Variants in GPM6A observed in about 807,000 individuals in gnomAD.
GPM6A encodes the protein neuronal membrane glycoprotein M6-a.
Under a neutral mutation model 32.1 loss-of-function variants are expected in GPM6A, and 7 were observed. The observed-to-expected ratio is 0.22, with a 90% CI of 0.12 to 0.41. The LOEUF (loss-of-function observed/expected upper bound fraction) is 0.41, where lower values mean the gene tolerates loss of function less well. GPM6A is among the 10% of genes least tolerant of loss of function. GPM6A has a pLI of 1.00. For synonymous variants in GPM6A, 130 were observed against 123.4 expected (o/e 1.05, Z -0.35); for missense variants, 235 against 347.2 (o/e 0.68, Z 2.57).
At chr4:175,703,195 G>A (rs886925459) in intron 1 of GPM6A, among the ~76,000 whole-genome samples, 13 of 151,740 alleles carry the variant, frequency 8.6e-5, no homozygotes, top group Admixed American at 5.9e-4. Flanking sequence ...GGTGGAAGAT[G>A]GAGTCTCACT....
chr4:175,647,671 AC>A (rs1428848141), intron 4 of GPM6A, among the ~76,000 whole-genome samples: 1 of 152,222 alleles, frequency 6.6e-6, no homozygotes, highest in Non-Finnish European at 1.5e-5. Flanking sequence ...GCGTCTATAT[AC>A]TAAGGAGACA....
chr4:175,817,458 G>A (rs1735143778), intron 1 of GPM6A, among the ~76,000 whole-genome samples: 1 of 152,202 alleles, frequency 6.6e-6, no homozygotes, highest in Non-Finnish European at 1.5e-5. Flanking sequence ...TCACAACGCT[G>A]AATGACAAGT....
In GPM6A at chr4:175,633,694, G is replaced by C. The variant is rs1389792232; in HGVS notation, c.*1211C>G. The C allele has an allele frequency of 1.3e-5, 2 of 152,406 alleles. No homozygotes were observed. Among genetic ancestry groups the C allele is most frequent in the Non-Finnish European group, 2.9e-5 (2 of 67,928 alleles). The allele number at this position is 152,406 out of a possible 1,614,324, so 9.4% of individuals were successfully genotyped here. On this transcript the variant is annotated 3_prime_UTR_variant, in exon 7 of 7. Transcript: ENST00000393658. Reference sequence around the variant, plus strand: ...GATTGCTCTTTGTTAAAATTCCTTTGATACAGGTACTTTTTATAAATGAAT... The same window carrying C: ...GATTGCTCTTTGTTAAAATTCCTTTCATACAGGTACTTTTTATAAATGAAT...
intron 3 of GPM6A, 109 bp from the exon 4 acceptor site, chr4:175,652,096 T>G (rs1560853177): frequency 1.4e-5 from 10 of 706,162 alleles, no homozygotes; most frequent in South Asian, 1.2e-4. Flanking sequence ...ATACAGTACA[T>G]AAGTCAGTAT....
intron 1 of GPM6A, among the ~76,000 whole-genome samples, chr4:175,933,101 G>C (rs1235046139): frequency 6.6e-6 from 1 of 151,444 alleles, no homozygotes; most frequent in Non-Finnish European, 1.5e-5. Flanking sequence ...GATTGGAAAA[G>C]ATACACCAAG....
chr4:175,780,668 T>C (rs1463314530), intron 1 of GPM6A, among the ~76,000 whole-genome samples: 1 of 152,214 alleles, frequency 6.6e-6, no homozygotes, highest in African/African-American at 2.4e-5. Flanking sequence ...ATCTTAATGT[T>C]TATGACAATT....
At position 175,701,700 on chromosome 4, in the gene GPM6A, C is replaced by A; in HGVS notation, c.105G>T (p.Leu35=). 1.2e-6 allele frequency: 2 copies of A among 1,613,860 alleles called. No individual in the cohort carries two copies. Among genetic ancestry groups the A allele is most frequent in the African/African-American group, 1.3e-5 (1 of 74,998 alleles). The change falls in exon 2 of 7, where the codon CTG becomes CTT. Residue 35 remains leucine, a synonymous_variant. Transcript: ENST00000393658. ...IPYASLIATI[L]LYAGVALFCG... The stretch of plus-strand genomic sequence containing the variant: ...AGAACAGGGCAACACCCGCATAGAG[C>A]AGGATGGTGGCAATCAGAGAGGCAT...
At chr4:175,855,520 T>C (rs1168204767) in intron 1 of GPM6A, among the ~76,000 whole-genome samples, 1 of 152,166 alleles carries the variant, frequency 6.6e-6, no homozygotes, top group Non-Finnish European at 1.5e-5. Context: ...ATGAATGGTG[T>C]CTATGAGACA....
intron 1 of GPM6A, among the ~76,000 whole-genome samples, chr4:175,725,993 CTT>C (rs377474451): frequency 1.6e-5 from 2 of 121,932 alleles, no homozygotes; most frequent in Admixed American, 9.8e-5. Context: ...CCTGTTTCTT[CTT>C]TTTTTTTTTT....
At chr4:175,672,360 T>C (rs1265918804) in intron 3 of GPM6A, among the ~76,000 whole-genome samples, 1 of 152,172 alleles carries the variant, frequency 6.6e-6, no homozygotes, top group Non-Finnish European at 1.5e-5. Flanking sequence ...AAAAGGTAAG[T>C]AACTTGCCAA....
In GPM6A at chr4:175,673,389, A is replaced by T. The variant is rs181998895; in HGVS notation, c.387+291T>A. Among the ~76,000 whole-genome samples, 414 of 151,842 alleles carry T rather than the reference A, an allele frequency of 2.7e-3. 2 individuals carry two copies. Among genetic ancestry groups the T allele is most frequent in the Middle Eastern group, 0.014 (4 of 294 alleles). The stretch of plus-strand genomic sequence containing the variant: ...GAGATGAATTTTTCTGTGATTCTCA[A>T]GAGAATCACAGAGCCCTTTGGAAAA... On this transcript the variant is annotated intron_variant, in intron 3 of 6. Coordinates refer to ENST00000393658, the MANE Select transcript of GPM6A (RefSeq NM_201591.3).
intron 1 of GPM6A, among the ~76,000 whole-genome samples, chr4:175,955,066 C>T (rs187338033): frequency 4.3e-4 from 66 of 152,310 alleles, no homozygotes; most frequent in Non-Finnish European, 8.5e-4. Flanking sequence ...GATGAATCAC[C>T]CTATTCTCCA....
At chr4:175,667,520 T>C (rs190227455) in intron 3 of GPM6A, among the ~76,000 whole-genome samples, 69 of 152,136 alleles carry the variant, frequency 4.5e-4, no homozygotes, top group African/African-American at 1.5e-3. Flanking sequence ...AAAAGAACAT[T>C]TTACAAAAAC....
At chr4:175,661,958 A>G (rs1052517855) in intron 3 of GPM6A, among the ~76,000 whole-genome samples, 6 of 152,214 alleles carry the variant, frequency 3.9e-5, no homozygotes, top group African/African-American at 7.2e-5. Context: ...TGCTACTTGA[A>G]TACTTTTTGG....
chr4:175,883,753 G>A lies in GPM6A; in HGVS notation c.-22-71504C>T, dbSNP rs182730470. Among the ~76,000 whole-genome samples the A allele has an allele frequency of 2.6e-5, 4 of 152,126 alleles. No individual in the cohort carries two copies. In the East Asian group the frequency reaches 5.8e-4, roughly 22 times the overall value. On this transcript the variant is annotated intron_variant, in intron 1 of 7. Transcript: ENST00000280187. ...TCAGTTTCAAAACTGTGTCTCAAAA[G>A]TACATCTGTCTCAGATAAGCAAATT...
chr4:175,644,973 G>T (rs1741372968), intron 4 of GPM6A, among the ~76,000 whole-genome samples: 1 of 152,076 alleles, frequency 6.6e-6, no homozygotes, highest in African/African-American at 2.4e-5. Context: ...GCCAGGCGTG[G>T]TGGTGGTCAC....
At chr4:175,949,799 TC>T (rs1388887241) in intron 1 of GPM6A, among the ~76,000 whole-genome samples, 1 of 152,184 alleles carries the variant, frequency 6.6e-6, no homozygotes, top group Non-Finnish European at 1.5e-5. Flanking sequence ...TTTAGTACAT[TC>T]CTTGAATAGA....
intron 1 of GPM6A, among the ~76,000 whole-genome samples, chr4:175,941,054 A>G (rs1739389729): frequency 6.6e-6 from 1 of 152,220 alleles, no homozygotes; most frequent in Non-Finnish European, 1.5e-5. Flanking sequence ...AGCTTAACAA[A>G]CATTAAGAAA....
chr4:175,762,776 C>T (rs1233135015), intron 1 of GPM6A, among the ~76,000 whole-genome samples: 1 of 152,094 alleles, frequency 6.6e-6, no homozygotes, highest in Non-Finnish European at 1.5e-5. Flanking sequence ...TTTTCTTTCC[C>T]CACAACCCCC....
Sources: gnomAD v4.1 joint callset for allele counts (sites outside exome capture counted in the v4.1 genomes callset) on GRCh38, gnomAD v4.1.1 for gene constraint, MANE v1.5 for transcripts, NCBI Gene and HGNC (gene_info 2026-07-23, HGNC 2026-07-21) for gene names.